Variants in MAP2K4 observed in about 807,000 individuals in gnomAD.
MAP2K4 encodes the protein mitogen-activated protein kinase kinase 4.
Under a neutral mutation model 48.5 loss-of-function variants are expected in MAP2K4, and 4 were observed. The ratio of observed to expected loss-of-function variants is 0.08; its 90% CI spans 0.04 to 0.19. The LOEUF is 0.19. Among genes scored for constraint, MAP2K4 ranks in the 10% least tolerant of loss-of-function variants. The pLI, the probability that MAP2K4 is intolerant of heterozygous loss-of-function variation, is 1.00. For missense variants in MAP2K4, 258 were observed against 493.3 expected, an observed-to-expected ratio of 0.52 and a Z score of 4.52; for synonymous variants, 166 against 173.1, an observed-to-expected ratio of 0.96 and a Z score of 0.32.
chr17:12,140,401 C>G (rs975394033), intron 10 of MAP2K4, among the ~76,000 whole-genome samples: 1 of 152,100 alleles, frequency 6.6e-6, no homozygotes, highest in Non-Finnish European at 1.5e-5. Flanking sequence ...AAGAAAAGAT[C>G]CATTTGTTTG....
intron 7 of MAP2K4, among the ~76,000 whole-genome samples, chr17:12,114,387 GGTGT>G (rs61666948): frequency 8.1e-4 from 121 of 148,738 alleles, no homozygotes; most frequent in Admixed American, 1.1e-3. Context: ...ATGTAAAAGC[GGTGT>G]GTGTGTGTGT....
chr17:12,027,097 G>T (rs1969276085), intron 1 of MAP2K4: 1 of 152,206 alleles, frequency 6.6e-6, no homozygotes, highest in African/African-American at 2.4e-5. Context: ...ATGTGGGTTA[G>T]CTTCTAGCTG....
intron 9 of MAP2K4, among the ~76,000 whole-genome samples, chr17:12,131,234 CTTT>C (rs11307653): frequency 7.6e-6 from 1 of 130,918 alleles, no homozygotes; most frequent in Non-Finnish European, 1.6e-5. Context: ...GGTCACATTT[CTTT>C]TTTTTTTTTT....
At chr17:12,121,750 A>G (rs1161643146) in intron 7 of MAP2K4, among the ~76,000 whole-genome samples, 1 of 152,206 alleles carries the variant, frequency 6.6e-6, no homozygotes, top group East Asian at 1.9e-4. Context: ...GATTCAGACT[A>G]CAACTATTTT....
intron 1 of MAP2K4, among the ~76,000 whole-genome samples, chr17:12,045,782 A>C (rs1380747876): frequency 6.6e-6 from 1 of 152,208 alleles, no homozygotes; most frequent in Non-Finnish European, 1.5e-5. Flanking sequence ...ACTGTTGTAC[A>C]TAGAAAATTT....
At position 12,133,571 on chromosome 17, in the gene MAP2K4, T is replaced by G. The variant is rs1423538697; in HGVS notation, c.1040+4284T>G. On this transcript the variant is annotated intron_variant, in intron 9 of 10. Transcript: ENST00000353533. ...ATCTCAGCCCATATTTTAAACTGTT[T>G]CCCAATTTAACTATCTATTGAAATC... is the stretch of plus-strand genomic sequence containing the variant. Among the ~76,000 whole-genome samples, 6 of 152,290 alleles carry G rather than the reference T, an allele frequency of 3.9e-5. No homozygotes were observed. The East Asian group carries it at 5.8e-4, about 15-fold the overall frequency.
intron 6 of MAP2K4, among the ~76,000 whole-genome samples, chr17:12,112,539 G>A (rs1281187719): frequency 1.3e-5 from 2 of 151,158 alleles, no homozygotes; most frequent in South Asian, 4.2e-4. Context: ...TTCGGTCATG[G>A]TAAGAGATCT....
chr17:12,119,865 C>A (rs954988563), intron 7 of MAP2K4, among the ~76,000 whole-genome samples: 2 of 152,172 alleles, frequency 1.3e-5, no homozygotes, highest in African/African-American at 4.8e-5. Context: ...AGCTGTAGGC[C>A]ATCCATTAAT....
At chr17:12,112,482 A>AG (rs1306925130) in intron 6 of MAP2K4, among the ~76,000 whole-genome samples, 1 of 151,710 alleles carries the variant, frequency 6.6e-6, no homozygotes, top group Non-Finnish European at 1.5e-5. Context: ...AAAAAAAAAA[A>AG]AAAGCATGGA....
At chr17:12,139,487 C>A (rs1478223798) in intron 9 of MAP2K4, among the ~76,000 whole-genome samples, 3 of 152,078 alleles carry the variant, frequency 2.0e-5, no homozygotes, top group Non-Finnish European at 2.9e-5. Flanking sequence ...TATTTATTTA[C>A]ATTTAGAAAA....
intron 1 of MAP2K4, among the ~76,000 whole-genome samples, chr17:12,037,320 G>T (rs1453463837): frequency 2.0e-5 from 3 of 152,164 alleles, no homozygotes; most frequent in African/African-American, 7.2e-5. Context: ...ATTTGGGAAA[G>T]ATACTAAGTT....
Position 12,113,374 on chromosome 17 carries a change from C to A in MAP2K4, c.813+14C>A, listed in dbSNP as rs1374478924. On this transcript the variant is annotated intron_variant, in intron 7 of 10. Transcript: ENST00000353533. ...CCATACATGGCAGTAAGTGTTAAGT[C>A]CAGGCCTTCTTGCTTGATAGTCATT... The A allele has an allele frequency of 2.5e-6, 4 of 1,611,530 alleles. No individual in the cohort carries two copies. Among genetic ancestry groups the A allele is most frequent in the Non-Finnish European group, 3.4e-6 (4 of 1,178,318 alleles).
At chr17:12,136,682 CAATGTT>C (rs1430091059) in intron 9 of MAP2K4, among the ~76,000 whole-genome samples, 10 of 152,204 alleles carry the variant, frequency 6.6e-5, no homozygotes, top group African/African-American at 2.4e-4. Context: ...AGAAGACAGT[CAATGTT>C]AATAGTTTAA....
intron 4 of MAP2K4, among the ~76,000 whole-genome samples, chr17:12,103,797 A>C (rs983081563): frequency 6.6e-6 from 1 of 152,142 alleles, no homozygotes; most frequent in Non-Finnish European, 1.5e-5. Context: ...ACATAGTTTT[A>C]TTCAACATAG....
At chr17:12,068,738 CAT>C (rs1345025766) in intron 2 of MAP2K4, among the ~76,000 whole-genome samples, 1 of 150,896 alleles carries the variant, frequency 6.6e-6, no homozygotes, top group African/African-American at 2.4e-5. Flanking sequence ...GATATCAAAA[CAT>C]ACATATATAT....
At chr17:12,072,600 A>G (rs1415969847) in intron 2 of MAP2K4, among the ~76,000 whole-genome samples, 1 of 152,214 alleles carries the variant, frequency 6.6e-6, no homozygotes, top group East Asian at 1.9e-4. Context: ...TGATAAGAAT[A>G]TCATAAGGAA....
At position 12,110,361 on chromosome 17, in the gene MAP2K4, CT is replaced by C. The variant is rs1707377526; in HGVS notation, c.634-9del. 1.9e-6 allele frequency: 3 copies of C among 1,601,276 alleles called. No individual in the cohort carries two copies. The highest frequency in any genetic ancestry group is 2.2e-5 in the South Asian group (2 of 90,194). ...AAACAAGTTGTTTATCCCATCTCTCCTTTTTCTCCCTAGACTGTGAAAGCAC... is the reference window on the plus strand; with the variant it reads ...AAACAAGTTGTTTATCCCATCTCTCCTTTTCTCCCTAGACTGTGAAAGCAC... On this transcript the variant is annotated splice_polypyrimidine_tract_variant and intron_variant, in intron 5 of 10. Coordinates refer to ENST00000353533, the MANE Select transcript of MAP2K4 (RefSeq NM_003010.4).
intron 1 of MAP2K4, among the ~76,000 whole-genome samples, chr17:12,041,817 TG>T (rs1969794101): frequency 6.6e-6 from 1 of 152,144 alleles, no homozygotes; most frequent in Non-Finnish European, 1.5e-5. Flanking sequence ...AAATGACAGG[TG>T]CTGTTACGAA....
At chr17:12,133,659 A>G (rs953970210) in intron 9 of MAP2K4, among the ~76,000 whole-genome samples, 2 of 152,176 alleles carry the variant, frequency 1.3e-5, no homozygotes, top group Admixed American at 1.3e-4. Context: ...AAAAACAAAA[A>G]ATGTTATTCT....
Sources: gnomAD v4.1 joint callset for allele counts (sites outside exome capture counted in the v4.1 genomes callset) on GRCh38, gnomAD v4.1.1 for gene constraint, MANE v1.5 for transcripts, NCBI Gene and HGNC (gene_info 2026-07-23, HGNC 2026-07-21) for gene names.